CDH4: variants seen among roughly 807,000 people sequenced by gnomAD.
CDH4 encodes cadherin 4, also known as cadherin-4.
CDH4 carries 33 observed loss-of-function variants against 86.0 expected under a neutral mutation model. That is an observed-to-expected ratio of 0.38 (90% CI 0.29 to 0.51). The LOEUF is 0.51. Ranked by LOEUF, CDH4 falls within the 20% of genes least tolerant of loss-of-function variation. The pLI is 0.86. For missense variants in CDH4, 1,114 were observed against 1,307.4 expected (o/e 0.85, Z 2.28); for synonymous variants, 555 against 549.4 (o/e 1.01, Z -0.14).
At chr20:61,432,924 T>C (rs893372219) in intron 2 of CDH4, among the ~76,000 whole-genome samples, 1 of 149,958 alleles carries the variant, frequency 6.7e-6, no homozygotes, top group Non-Finnish European at 1.5e-5. Context: ...CTGCAGCCTC[T>C]GCCTCCCGGG....
At chr20:61,747,711 G>A (rs926679246) in intron 3 of CDH4, among the ~76,000 whole-genome samples, 3 of 152,036 alleles carry the variant, frequency 2.0e-5, no homozygotes, top group Non-Finnish European at 2.9e-5. Context: ...AAAAACATTC[G>A]TGCTCTAAAG....
chr20:61,565,118 G>GCTCTTGGTGGTGCTGGTC (rs1335127698), intron 2 of CDH4, among the ~76,000 whole-genome samples: 6 of 140,818 alleles, frequency 4.3e-5, no homozygotes, highest in Non-Finnish European at 9.5e-5. Context: ...TGGTGCTGGT[G>GCTCTTGGTGGTGCTGGTC]CTCTTGGTGG....
intron 2 of CDH4, among the ~76,000 whole-genome samples, chr20:61,535,986 T>A (rs2085994205): frequency 6.6e-6 from 1 of 152,136 alleles, no homozygotes; most frequent in Admixed American, 6.5e-5. Context: ...CCTCAGTATT[T>A]CAACCCAGCA....
At chr20:61,311,861 G>A (rs1163489492) in intron 2 of CDH4, among the ~76,000 whole-genome samples, 1 of 152,274 alleles carries the variant, frequency 6.6e-6, no homozygotes, top group Non-Finnish European at 1.5e-5. Context: ...GGGCGGGGCG[G>A]CCAGTGCATG....
At chr20:61,625,376 C>T (rs1278746524) in intron 2 of CDH4, among the ~76,000 whole-genome samples, 3 of 152,186 alleles carry the variant, frequency 2.0e-5, no homozygotes, top group Admixed American at 2.0e-4. Context: ...AAATCTCTGA[C>T]ATTTGCTGAA....
rs112148195 is a variant in CDH4 at position 61,674,294 on chromosome 20, C to T, written c.170-69269C>T. Reference sequence around the variant, plus strand: ...GGAGGAGAGGTGGAGGGAGGGGTGCCGAGCTTGGAGCAGGAGTCACAGCAT... The same window carrying T: ...GGAGGAGAGGTGGAGGGAGGGGTGCTGAGCTTGGAGCAGGAGTCACAGCAT... On this transcript the variant is annotated intron_variant, in intron 2 of 15. Coordinates refer to ENST00000614565, the MANE Select transcript of CDH4 (RefSeq NM_001794.5). 6.0e-3 allele frequency among the ~76,000 whole-genome samples: 914 copies of T among 152,254 alleles called. 10 individuals are homozygous for T. The highest frequency in any genetic ancestry group is 0.02 in the African/African-American group (833 of 41,550).
intron 2 of CDH4, among the ~76,000 whole-genome samples, chr20:61,532,734 C>T (rs1333584874): frequency 2.0e-5 from 3 of 152,070 alleles, no homozygotes; most frequent in Admixed American, 6.5e-5. Context: ...GTTCTCTGGC[C>T]GGGTTCTAGG....
chr20:61,629,726 C>G (rs1017182186), intron 2 of CDH4, among the ~76,000 whole-genome samples: 8 of 152,170 alleles, frequency 5.3e-5, no homozygotes, highest in Non-Finnish European at 1.2e-4. Context: ...GCTGCCCTGT[C>G]CCTGCCAAAA....
At chr20:61,793,921 G>A (rs1440102051) in intron 4 of CDH4, among the ~76,000 whole-genome samples, 3 of 149,902 alleles carry the variant, frequency 2.0e-5, no homozygotes, top group East Asian at 4.0e-4. Context: ...GGTAGATCAC[G>A]AAGTCAGGAG....
At chr20:61,575,673 A>G (rs1197497053) in intron 2 of CDH4, among the ~76,000 whole-genome samples, 1 of 152,232 alleles carries the variant, frequency 6.6e-6, no homozygotes, top group Non-Finnish European at 1.5e-5. Flanking sequence ...ATTCATTTAC[A>G]TATTGTCTGT....
intron 2 of CDH4, among the ~76,000 whole-genome samples, chr20:61,585,622 G>T (rs1281190658): frequency 1.3e-5 from 2 of 152,220 alleles, no homozygotes; most frequent in African/African-American, 4.8e-5. Context: ...GTTGATGATG[G>T]TCATGACGGT....
intron 2 of CDH4, among the ~76,000 whole-genome samples, chr20:61,692,558 A>G (rs193286434): frequency 1.3e-5 from 2 of 152,354 alleles, no homozygotes; most frequent in East Asian, 3.9e-4. Context: ...TACTGTGGGC[A>G]CATTTTGTGC....
At chr20:61,871,352 A>C (rs1051923571) in intron 6 of CDH4, among the ~76,000 whole-genome samples, 2 of 152,138 alleles carry the variant, frequency 1.3e-5, no homozygotes, top group Non-Finnish European at 2.9e-5. Context: ...AGTCAGCTTG[A>C]AGTCTTCTCA....
intron 8 of CDH4, among the ~76,000 whole-genome samples, chr20:61,901,927 G>T (rs567961369): frequency 6.6e-6 from 1 of 152,194 alleles, no homozygotes; most frequent in Non-Finnish European, 1.5e-5. Flanking sequence ...AGTAAAGTTC[G>T]CAGTCGGCCG....
At chr20:61,744,157 C>A (rs1032506071) in intron 3 of CDH4, among the ~76,000 whole-genome samples, 2 of 152,272 alleles carry the variant, frequency 1.3e-5, no homozygotes, top group Non-Finnish European at 2.9e-5. Flanking sequence ...AGGCCCAGGG[C>A]GTTCTGAAGC....
At chr20:61,420,624 A>G (rs996257877) in intron 2 of CDH4, among the ~76,000 whole-genome samples, 1 of 152,254 alleles carries the variant, frequency 6.6e-6, no homozygotes, top group Non-Finnish European at 1.5e-5. Context: ...ACAGAAACCC[A>G]TGCCCAGGTG....
At chr20:61,352,962 G>A (rs772310969) in intron 2 of CDH4, among the ~76,000 whole-genome samples, 20 of 152,124 alleles carry the variant, frequency 1.3e-4, no homozygotes, top group Non-Finnish European at 2.5e-4. Context: ...CTCTCTGCCT[G>A]TGTGGCATGC....
intron 9 of CDH4, among the ~76,000 whole-genome samples, chr20:61,915,604 G>T (rs1289248429): frequency 6.6e-6 from 1 of 152,230 alleles, no homozygotes; most frequent in Non-Finnish European, 1.5e-5. Flanking sequence ...ACACGCGATG[G>T]GTCTCCAGTG....
rs386394189 is a variant in CDH4 at position 61,903,540 on chromosome 20, T to TTA, written c.1189-6882_1189-6881insTA. Among the ~76,000 whole-genome samples, 20 of 90,886 alleles carry TTA rather than the reference T, an allele frequency of 2.2e-4. No homozygotes were observed. In the East Asian group the frequency reaches 3.1e-3, roughly 14 times the overall value. The allele number at this position is 90,886 out of a possible 152,430, so 59.6% of individuals were successfully genotyped here. ...AGCGTGGGCAGCAGAAGAGACTCCA[T>TTA]AAAAAAAAAAAAAAAAAAAGTGTAA... On this transcript the variant is annotated intron_variant, in intron 8 of 15. Coordinates refer to ENST00000614565, the MANE Select transcript of CDH4 (RefSeq NM_001794.5).
Sources: gnomAD v4.1 joint callset for allele counts (sites outside exome capture counted in the v4.1 genomes callset) on GRCh38, gnomAD v4.1.1 for gene constraint, MANE v1.5 for transcripts, NCBI Gene and HGNC (gene_info 2026-07-23, HGNC 2026-07-21) for gene names.